The following CDH13 variants were observed in gnomAD, a reference collection of about 807,000 sequenced individuals.
CDH13 encodes cadherin 13, also known as cadherin-13.
Under a neutral mutation model 63.8 loss-of-function variants are expected in CDH13, and 24 were observed. That is an observed-to-expected ratio of 0.38 (90% CI 0.27 to 0.53). CDH13 has a LOEUF of 0.53. Ranked by LOEUF, CDH13 falls within the 20% of genes least tolerant of loss-of-function variation. The pLI, the probability that CDH13 is intolerant of heterozygous loss-of-function variation, is 0.85. For missense variants in CDH13, 1,049 were observed against 903.1 expected (o/e 1.16, Z -2.07); for synonymous variants, 503 against 355.3 (o/e 1.42, Z -4.67).
At chr16:83,528,938 C>T (rs552492173) in intron 7 of CDH13, among the ~76,000 whole-genome samples, 10 of 152,206 alleles carry the variant, frequency 6.6e-5, no homozygotes, top group Non-Finnish European at 1.5e-4. Context: ...CCAGGGTGGT[C>T]CTGCTCAGTT....
At chr16:83,792,353 G>T (rs924587836) in intron 13 of CDH13, among the ~76,000 whole-genome samples, 1 of 151,278 alleles carries the variant, frequency 6.6e-6, no homozygotes, top group African/African-American at 2.4e-5. Context: ...GCCCTGGGAC[G>T]AGTCACTTAT....
chr16:82,923,646 C>T (rs1463685497), intron 2 of CDH13, among the ~76,000 whole-genome samples: 1 of 152,116 alleles, frequency 6.6e-6, no homozygotes, highest in Non-Finnish European at 1.5e-5. Context: ...ATCCAAAAAC[C>T]TACTTAGTAG....
intron 5 of CDH13, among the ~76,000 whole-genome samples, chr16:83,249,311 T>C (rs1279230037): frequency 1.3e-5 from 2 of 152,186 alleles, no homozygotes; most frequent in African/African-American, 2.4e-5. Context: ...TCTCACTCTG[T>C]CTTCACTGTA....
intron 6 of CDH13, among the ~76,000 whole-genome samples, chr16:83,421,184 C>A (rs2071703924): frequency 6.6e-6 from 1 of 152,026 alleles, no homozygotes; most frequent in Admixed American, 6.6e-5. Context: ...AGTCTAGAAC[C>A]CTTCCAGAGA....
At chr16:83,471,788 C>T (rs1005795914) in intron 6 of CDH13, among the ~76,000 whole-genome samples, 1 of 152,132 alleles carries the variant, frequency 6.6e-6, no homozygotes, top group African/African-American at 2.4e-5. Flanking sequence ...GCCAGGCTCT[C>T]AGCAACTTGC....
At chr16:83,786,873 C>T (rs1291260894) in intron 13 of CDH13, among the ~76,000 whole-genome samples, 1 of 152,160 alleles carries the variant, frequency 6.6e-6, no homozygotes, top group Non-Finnish European at 1.5e-5. Flanking sequence ...CAGGTGTGAG[C>T]CACCACACCC....
At chr16:83,789,352 T>TTTTAAGA (rs1916104184) in intron 13 of CDH13, among the ~76,000 whole-genome samples, 2 of 138,816 alleles carry the variant, frequency 1.4e-5, no homozygotes, top group African/African-American at 2.7e-5. Context: ...TTTTTGTTTG[T>TTTTAAGA]CTGTTTTGTT....
intron 2 of CDH13, among the ~76,000 whole-genome samples, chr16:82,915,575 C>T (rs1172083892): frequency 1.3e-5 from 2 of 151,852 alleles, no homozygotes; most frequent in Non-Finnish European, 2.9e-5. Context: ...ATTGTCAGGT[C>T]GACAGGAGGA....
rs185976726 is a variant in CDH13, at chr16:83,455,900, A to G, written c.782-30577A>G. Among the ~76,000 whole-genome samples the G allele has an allele frequency of 2.0e-3, 307 of 152,330 alleles. 1 individual carries two copies. The highest frequency in any genetic ancestry group is 3.0e-3 in the Non-Finnish European group (201 of 68,032). On this transcript the variant is annotated intron_variant, in intron 6 of 13. Coordinates refer to ENST00000567109, the MANE Select transcript of CDH13 (RefSeq NM_001257.5). ...TTTCATCTCTCGCAGCTCTGGAAAAACGACAGACTAGTGCTTCCAATTAAT... is the reference window on the plus strand; with the variant it reads ...TTTCATCTCTCGCAGCTCTGGAAAAGCGACAGACTAGTGCTTCCAATTAAT...
Position 83,216,927 on chromosome 16 carries a change from T to C in CDH13, c.484-418T>C, listed in dbSNP as rs115955494. Reference sequence around the variant, plus strand: ...GGGCAGGTGACACTGGATTAGTGGATATATGTAAATACCTGGAATCTTGAT... The same window carrying C: ...GGGCAGGTGACACTGGATTAGTGGACATATGTAAATACCTGGAATCTTGAT... On this transcript the variant is annotated intron_variant, in intron 4 of 13. Transcript: ENST00000567109. Among the ~76,000 whole-genome samples the C allele has an allele frequency of 7.1e-3, 1,074 of 152,212 alleles. 14 individuals are homozygous for C. Among genetic ancestry groups the C allele is most frequent in the African/African-American group, 0.024 (1,011 of 41,528 alleles).
chr16:82,967,306 T>C (rs1397448402), intron 2 of CDH13, among the ~76,000 whole-genome samples: 1 of 152,168 alleles, frequency 6.6e-6, no homozygotes, highest in African/African-American at 2.4e-5. Flanking sequence ...TTTCTCATAG[T>C]CTGCCCTCCC....
intron 3 of CDH13, among the ~76,000 whole-genome samples, chr16:83,044,822 G>T (rs901833728): frequency 2.0e-5 from 3 of 152,168 alleles, no homozygotes; most frequent in Non-Finnish European, 4.4e-5. Context: ...TGCAGCCATA[G>T]TTAGCTCCCC....
chr16:83,332,082 A>C (rs1391517572), intron 5 of CDH13, among the ~76,000 whole-genome samples: 1 of 152,154 alleles, frequency 6.6e-6, no homozygotes, highest in Non-Finnish European at 1.5e-5. Flanking sequence ...TCTGTCAAAC[A>C]CTATGAACTT....
At position 82,915,404 on chromosome 16, in the gene CDH13, T is replaced by A. The variant is rs748292583; in HGVS notation, c.157+56931T>A. Among the ~76,000 whole-genome samples, 29 of 152,192 alleles carry A rather than the reference T, an allele frequency of 1.9e-4. 1 individual carries two copies. The highest frequency in any genetic ancestry group is 3.2e-3 in the Middle Eastern group (1 of 316). On this transcript the variant is annotated intron_variant, in intron 2 of 13. Transcript: ENST00000567109. ...CAAAGCAGCACATTTTGGAAATGGT[T>A]TTGTAAACTGTAACGAAGGTATCTT...
intron 1 of CDH13, among the ~76,000 whole-genome samples, chr16:82,743,145 A>C (rs1479711877): frequency 1.3e-5 from 2 of 152,230 alleles, no homozygotes; most frequent in African/African-American, 4.8e-5. Context: ...TTAAAAATGT[A>C]GAACAATACT....
intron 9 of CDH13, among the ~76,000 whole-genome samples, chr16:83,673,696 A>G (rs1914711434): frequency 6.6e-6 from 1 of 152,214 alleles, no homozygotes; most frequent in South Asian, 2.1e-4. Context: ...ATATATAAGA[A>G]TCATCTGCAA....
intron 2 of CDH13, chr16:82,990,089 T>C (rs1202662960): frequency 6.6e-6 from 1 of 152,084 alleles, no homozygotes; most frequent in East Asian, 1.9e-4. Flanking sequence ...ATTTTTTTTT[T>C]CTCTGCAACC....
At chr16:83,624,519 C>G (rs1862205399) in intron 8 of CDH13, among the ~76,000 whole-genome samples, 1 of 152,106 alleles carries the variant, frequency 6.6e-6, no homozygotes, top group South Asian at 2.1e-4. Flanking sequence ...GCCTGGATCC[C>G]TCTCATTCCC....
chr16:83,031,053 A>G (rs768291401), intron 2 of CDH13, among the ~76,000 whole-genome samples: 11 of 151,436 alleles, frequency 7.3e-5, no homozygotes, highest in East Asian at 2.0e-4. Context: ...CTAGAATTCT[A>G]TATGGTGCTG....
Sources: gnomAD v4.1 joint callset for allele counts (sites outside exome capture counted in the v4.1 genomes callset) on GRCh38, gnomAD v4.1.1 for gene constraint, MANE v1.5 for transcripts, NCBI Gene and HGNC (gene_info 2026-07-23, HGNC 2026-07-21) for gene names.